POTEJ: variants seen among roughly 807,000 people sequenced by gnomAD.
POTEJ encodes the protein POTE ankyrin domain family member J, also known as POTE ankyrin domain family, member J.
In POTEJ, 11 loss-of-function variants were observed where a neutral mutation model predicts 69.0. The ratio of observed to expected loss-of-function variants is 0.16; its 90% CI spans 0.10 to 0.26. POTEJ has a LOEUF of 0.26. Ranked by LOEUF, POTEJ falls within the 10% of genes least tolerant of loss-of-function variation. The pLI is 1.00. For missense variants in POTEJ, 327 were observed against 1,045.5 expected (o/e 0.31, Z 9.48); for synonymous variants, 117 against 381.1 (o/e 0.31, Z 8.07).
At chr2:130,613,275 CATATGTATATATACATATATAT>C (rs1685288070) in intron 1 of POTEJ, among the ~76,000 whole-genome samples, 2 of 54,094 alleles carry the variant, frequency 3.7e-5, no homozygotes, top group African/African-American at 4.7e-4. Flanking sequence ...CATATATATA[CATATGTATATATACATATATAT>C]ACATATGTAT....
intron 3 of POTEJ, among the ~76,000 whole-genome samples, chr2:130,618,997 GCTCAAGCGATTCACCCA>G (rs1685462611): frequency 6.9e-6 from 1 of 144,780 alleles, no homozygotes; most frequent in Non-Finnish European, 1.5e-5. Flanking sequence ...GAACTCCTGG[GCTCAAGCGATTCACCCA>G]CCTCAGCCTC....
chr2:130,640,948 T>A (rs2105241148), intron 10 of POTEJ, among the ~76,000 whole-genome samples: 1 of 152,098 alleles, frequency 6.6e-6, no homozygotes, highest in South Asian at 2.1e-4. Context: ...CAAGATTAAA[T>A]TTGAGTATTA....
Position 130,624,954 on chromosome 2 carries a change from CATA to C in POTEJ, c.1015+825_1015+827del, listed in dbSNP as rs1206846596. On this transcript the variant is annotated intron_variant, in intron 6 of 14. Transcript: ENST00000409602. ...CTGCTACCATTTGCCAAAAGATTGTCATAATAAATATACAAATTGCCCAACTCT... is the reference window on the plus strand; with the variant it reads ...CTGCTACCATTTGCCAAAAGATTGTCATAAATATACAAATTGCCCAACTCT... Among the ~76,000 whole-genome samples, 4 of 151,980 alleles carry C rather than the reference CATA, an allele frequency of 2.6e-5. No individual in the cohort carries two copies. The East Asian group carries it at 5.8e-4, about 22-fold the overall frequency.
intron 6 of POTEJ, among the ~76,000 whole-genome samples, chr2:130,626,266 A>T (rs1156816042): frequency 8.6e-5 from 13 of 151,254 alleles, no homozygotes; most frequent in African/African-American, 2.7e-4. Context: ...TTGGGATAAT[A>T]AATATCCCAA....
intron 1 of POTEJ, among the ~76,000 whole-genome samples, 154 bp downstream of exon 1, chr2:130,612,096 C>T (rs1272369399): frequency 6.6e-6 from 1 of 152,048 alleles, no homozygotes; most frequent in Non-Finnish European, 1.5e-5. Flanking sequence ...GCACAGGCCC[C>T]TTTATGAACA....
At chr2:130,625,377 T>G (rs1685666596) in intron 6 of POTEJ, among the ~76,000 whole-genome samples, 1 of 151,932 alleles carries the variant, frequency 6.6e-6, no homozygotes, top group South Asian at 2.1e-4. Context: ...GACAGGAGCT[T>G]TTTGTTATCA....
chr2:130,625,918 G>A (rs1342582297), intron 6 of POTEJ, among the ~76,000 whole-genome samples: 2 of 135,028 alleles, frequency 1.5e-5, no homozygotes, highest in Admixed American at 1.5e-4. Flanking sequence ...AAAACAGTAA[G>A]AACCAGAGTT....
At chr2:130,632,923 A>T (rs1479678735) in intron 9 of POTEJ, among the ~76,000 whole-genome samples, 1 of 146,996 alleles carries the variant, frequency 6.8e-6, no homozygotes, top group African/African-American at 2.6e-5. Context: ...TCAGGGGTAC[A>T]TGTGCAGGGT....
intron 6 of POTEJ, among the ~76,000 whole-genome samples, chr2:130,629,019 A>C (rs1421224762): frequency 4.4e-5 from 6 of 136,720 alleles, no homozygotes; most frequent in Non-Finnish European, 9.0e-5. Flanking sequence ...ACCCTGGCTC[A>C]AAAAAAAAAA....
At chr2:130,628,831 C>T (rs1260395488) in intron 6 of POTEJ, among the ~76,000 whole-genome samples, 1 of 149,920 alleles carries the variant, frequency 6.7e-6, no homozygotes, top group Non-Finnish European at 1.5e-5. Context: ...ACCATCATGG[C>T]CAATGGTGAA....
intron 13 of POTEJ, among the ~76,000 whole-genome samples, chr2:130,647,612 T>C (rs1179664218): frequency 1.3e-5 from 2 of 152,198 alleles, no homozygotes; most frequent in South Asian, 2.1e-4. Flanking sequence ...AGTTGTGTGA[T>C]CATGGCTCAC....
intron 6 of POTEJ, among the ~76,000 whole-genome samples, chr2:130,629,226 A>G (rs1171201449): frequency 1.4e-5 from 2 of 146,766 alleles, no homozygotes; most frequent in East Asian, 3.9e-4. Context: ...GCACCAGCTC[A>G]GCGGATTTGC....
chr2:130,636,589 C>T (rs1686101368), intron 9 of POTEJ, among the ~76,000 whole-genome samples: 1 of 147,856 alleles, frequency 6.8e-6, no homozygotes, highest in Non-Finnish European at 1.5e-5. Flanking sequence ...AGTTTTTCTC[C>T]TCTAACATAC....
intron 1 of POTEJ, among the ~76,000 whole-genome samples, chr2:130,615,791 T>C (rs1341973130): frequency 1.3e-5 from 2 of 148,682 alleles, no homozygotes; most frequent in Non-Finnish European, 3.0e-5. Context: ...ACAAATAGTT[T>C]CATAAATCCA....
intron 1 of POTEJ, among the ~76,000 whole-genome samples, chr2:130,615,761 TA>T (rs1158445762): frequency 6.7e-6 from 1 of 149,052 alleles, no homozygotes; most frequent in Non-Finnish European, 1.5e-5. Context: ...TCCCTGAATG[TA>T]AAAGTTGAAA....
chr2:130,646,960 CAG>C (rs1369694083), intron 13 of POTEJ, among the ~76,000 whole-genome samples: 153 of 148,372 alleles, frequency 1.0e-3, no homozygotes, highest in African/African-American at 2.9e-3. Flanking sequence ...ACATATATAA[CAG>C]AGTAAGCATA....
In POTEJ at chr2:130,657,479, G is replaced by A. The variant is rs765064482; in HGVS notation, c.2719G>A (p.Asp907Asn). ...CCTAGAGAAGAGCTACGAGCTGCCC[G>A]ATGGCCAGGTCATCACCATCAGCAA... ...SSLEKSYELPDGQVITISNEW... is the reference protein window; with the variant it reads ...SSLEKSYELPNGQVITISNEW... Residue 907 changes from aspartate (D) to asparagine (N), a missense_variant, in exon 15 of 15, where the codon GAT becomes AAT. Transcript: ENST00000409602. The A allele has an allele frequency of 1.8e-5, 28 of 1,575,364 alleles. 2 individuals are homozygous for A. Among genetic ancestry groups the A allele is most frequent in the East Asian group, 1.3e-4 (6 of 44,878 alleles).
chr2:130,637,675 A>G (rs1325011195), intron 9 of POTEJ, among the ~76,000 whole-genome samples: 2 of 152,284 alleles, frequency 1.3e-5, no homozygotes, highest in East Asian at 1.9e-4. Context: ...TACAAAATAT[A>G]TTGTTAGTAT....
chr2:130,629,533 G>A (rs1378353649), intron 6 of POTEJ, among the ~76,000 whole-genome samples: 3 of 145,104 alleles, frequency 2.1e-5, no homozygotes, highest in Admixed American at 2.0e-4. Flanking sequence ...GGGTCACCAT[G>A]ACCTTTCCTG....
Sources: gnomAD v4.1 joint callset for allele counts (sites outside exome capture counted in the v4.1 genomes callset) on GRCh38, gnomAD v4.1.1 for gene constraint, MANE v1.5 for transcripts, NCBI Gene and HGNC (gene_info 2026-07-23, HGNC 2026-07-21) for gene names.